The following SGCZ variants were observed in gnomAD, a reference collection of about 807,000 sequenced individuals.
SGCZ encodes zeta-sarcoglycan.
Under a neutral mutation model 41.3 loss-of-function variants are expected in SGCZ, and 40 were observed. The ratio of observed to expected loss-of-function variants is 0.97; its 90% confidence interval spans 0.75 to 1.26. The LOEUF (loss-of-function observed/expected upper bound fraction) is 1.26, where lower values mean the gene tolerates loss of function less well. Ranked by LOEUF, SGCZ falls within the 50% of genes most tolerant of loss-of-function variation. The pLI is 0.00. For synonymous variants in SGCZ, 206 were observed against 137.5 expected (o/e 1.50, Z -3.49); for missense variants, 552 against 369.8 (o/e 1.49, Z -4.04).
At chr8:14,257,421 A>T (rs1271700347) in intron 3 of SGCZ, among the ~76,000 whole-genome samples, 1 of 152,108 alleles carries the variant, frequency 6.6e-6, no homozygotes, top group Non-Finnish European at 1.5e-5. Context: ...TTTTACTCTA[A>T]AACTGTTTTT....
At chr8:15,160,167 T>A (rs1175083090) in intron 1 of SGCZ, among the ~76,000 whole-genome samples, 1 of 152,152 alleles carries the variant, frequency 6.6e-6, no homozygotes, top group African/African-American at 2.4e-5. Context: ...TTTTAAACTG[T>A]CTCTGTGAAT....
chr8:14,887,574 A>T (rs758745357), intron 1 of SGCZ, among the ~76,000 whole-genome samples: 13 of 152,318 alleles, frequency 8.5e-5, no homozygotes, highest in Admixed American at 2.0e-4. Flanking sequence ...ATACACATAC[A>T]TAGCTATACA....
At chr8:14,855,047 T>TTTTATTTA (rs755424757) in intron 1 of SGCZ, among the ~76,000 whole-genome samples, 2 of 151,292 alleles carry the variant, frequency 1.3e-5, no homozygotes, top group South Asian at 2.1e-4. Flanking sequence ...ATCTCCATTA[T>TTTTATTTA]TTTATTTATT....
intron 4 of SGCZ, among the ~76,000 whole-genome samples, chr8:14,173,284 G>T (rs551659070): frequency 8.6e-5 from 13 of 152,016 alleles, no homozygotes; most frequent in African/African-American, 3.1e-4. Flanking sequence ...ATGGGGCCCA[G>T]ATTTGCTCCA....
chr8:14,288,606 T>C (rs1800727741), intron 3 of SGCZ, among the ~76,000 whole-genome samples: 1 of 152,202 alleles, frequency 6.6e-6, no homozygotes, highest in East Asian at 1.9e-4. Flanking sequence ...TGCCATATTA[T>C]GTAATAGTAT....
intron 5 of SGCZ, among the ~76,000 whole-genome samples, chr8:14,144,348 A>C (rs56017210): frequency 6.6e-6 from 1 of 152,018 alleles, no homozygotes. Context: ...CTAGCTCCAA[A>C]ATGACATTTC....
At chr8:14,203,636 T>C (rs887393258) in intron 4 of SGCZ, among the ~76,000 whole-genome samples, 52 of 152,286 alleles carry the variant, frequency 3.4e-4, no homozygotes, top group African/African-American at 1.3e-3. Context: ...TGAAGATGAA[T>C]AGAGGTGAAG....
intron 2 of SGCZ, among the ~76,000 whole-genome samples, chr8:14,440,707 ATATACATAC>A: frequency 1.3e-5 from 1 of 79,352 alleles, no homozygotes; most frequent in African/African-American, 4.9e-5. Context: ...GTATATATGT[ATATACATAC>A]GTATACACGT....
At chr8:15,134,664 C>T (rs958811456) in intron 1 of SGCZ, among the ~76,000 whole-genome samples, 1 of 152,056 alleles carries the variant, frequency 6.6e-6, no homozygotes, top group Non-Finnish European at 1.5e-5. Flanking sequence ...CTATGCAAGA[C>T]GAGTCACCAA....
At chr8:14,411,420 A>C (rs115289425) in intron 2 of SGCZ, among the ~76,000 whole-genome samples, 1,567 of 152,244 alleles carry the variant, frequency 0.01, 32 homozygotes, top group African/African-American at 0.035. Flanking sequence ...ATTTAGAAAA[A>C]TCTTGGTTCA....
intron 1 of SGCZ, among the ~76,000 whole-genome samples, chr8:14,795,307 T>C (rs1164374659): frequency 6.6e-6 from 1 of 152,226 alleles, no homozygotes; most frequent in African/African-American, 2.4e-5. Context: ...AAAATGGTTG[T>C]AAGCCCAGGT....
At position 14,669,402 on chromosome 8, in the gene SGCZ, TAAATAA is replaced by T. The variant is rs1563191248; in HGVS notation, c.40-114482_40-114477del. Among the ~76,000 whole-genome samples, 165 of 151,250 alleles carry T rather than the reference TAAATAA, an allele frequency of 1.1e-3. 2 individuals carry two copies. Among genetic ancestry groups the T allele is most frequent in the African/African-American group, 3.8e-3 (155 of 41,034 alleles). On this transcript the variant is annotated intron_variant, in intron 1 of 7. Transcript: ENST00000382080. ...GTAAGTAAGTAAATAAATAAATAAATAAATAAATAGGGTTCCATTACTTACTAATCT... is the reference window on the plus strand; with the variant it reads ...GTAAGTAAGTAAATAAATAAATAAATATAGGGTTCCATTACTTACTAATCT...
At chr8:14,801,232 A>G (rs1041481964) in intron 1 of SGCZ, among the ~76,000 whole-genome samples, 2 of 152,182 alleles carry the variant, frequency 1.3e-5, no homozygotes, top group African/African-American at 2.4e-5. Flanking sequence ...AACAGAGAAG[A>G]TAAACAGAAA....
intron 2 of SGCZ, among the ~76,000 whole-genome samples, chr8:14,550,266 C>A (rs1425181049): frequency 6.6e-6 from 1 of 150,940 alleles, no homozygotes; most frequent in Non-Finnish European, 1.5e-5. Flanking sequence ...GTGCTAAAAA[C>A]AATATAATGG....
intron 1 of SGCZ, among the ~76,000 whole-genome samples, chr8:14,875,156 G>T (rs1804302962): frequency 6.6e-6 from 1 of 152,120 alleles, no homozygotes; most frequent in Non-Finnish European, 1.5e-5. Flanking sequence ...TTTTGGTAAA[G>T]GCCTCATCTC....
intron 2 of SGCZ, among the ~76,000 whole-genome samples, chr8:14,392,407 C>T (rs1452978325): frequency 6.6e-6 from 1 of 151,980 alleles, no homozygotes; most frequent in Non-Finnish European, 1.5e-5. Context: ...ACTGAGGAGC[C>T]CATGGTAATC....
intron 1 of SGCZ, among the ~76,000 whole-genome samples, chr8:14,861,146 G>A (rs1415785074): frequency 2.0e-5 from 3 of 152,118 alleles, no homozygotes; most frequent in Non-Finnish European, 4.4e-5. Context: ...CTTTGTGTTG[G>A]AATTAAAACT....
chr8:15,030,699 G>C (rs1274473182), intron 1 of SGCZ, among the ~76,000 whole-genome samples: 1 of 152,196 alleles, frequency 6.6e-6, no homozygotes, highest in Non-Finnish European at 1.5e-5. Context: ...TCATTAGAGA[G>C]TTTATGATAT....
chr8:14,429,868 C>T (rs1425737756), intron 2 of SGCZ, among the ~76,000 whole-genome samples: 1 of 151,824 alleles, frequency 6.6e-6, no homozygotes, highest in Non-Finnish European at 1.5e-5. Context: ...GTATCTAATT[C>T]TTCCTGATAT....
Sources: allele counts gnomAD v4.1 joint callset (sites outside exome capture counted in the v4.1 genomes callset), GRCh38; gene constraint gnomAD v4.1.1; transcripts MANE v1.5; gene names NCBI Gene and HGNC (gene_info 2026-07-23, HGNC 2026-07-21).